The following FGF13 variants were observed in gnomAD, a reference collection of about 807,000 sequenced individuals.
The protein encoded by FGF13 is fibroblast growth factor homologous factor 2.
In FGF13, 2 loss-of-function variants were observed where a neutral mutation model predicts 19.5. The observed-to-expected ratio is 0.10, with a 90% CI of 0.04 to 0.32. The LOEUF is 0.32. FGF13 is among the 10% of genes least tolerant of loss of function. The probability of loss-of-function intolerance (pLI) is 1.00; values close to 1 mark genes in which losing one functional copy is unlikely to be tolerated. For missense variants in FGF13, 113 were observed against 192.7 expected, an observed-to-expected ratio of 0.59 and a Z score of 2.45; for synonymous variants, 72 against 76.9, an observed-to-expected ratio of 0.94 and a Z score of 0.33.
chrX:139,202,732 GAGA>G lies in FGF13; in HGVS notation c.-113+681_-113+683del, dbSNP rs1254633431. On this transcript the variant is annotated intron_variant, in intron 1 of 2. Transcript: ENST00000421460. ...AAAGCTCTGAGAGATGGGGAGAGGC[GAGA>G]AGGAGGAGAGGAGAACAAGGAATAG... Among the ~76,000 whole-genome samples, 17 of 111,644 alleles carry G rather than the reference GAGA, an allele frequency of 1.5e-4. No individual in the cohort carries two copies. In the Admixed American group the frequency reaches 1.6e-3, roughly 11 times the overall value.
intron 1 of FGF13, among the ~76,000 whole-genome samples, chrX:138,926,267 A>G (rs2091673670): frequency 8.9e-6 from 1 of 112,104 alleles, no homozygotes; most frequent in African/African-American, 3.2e-5. Context: ...AAAATATAAT[A>G]ATGCACTACT....
chrX:138,683,550 T>G (rs934070310), intron 3 of FGF13, among the ~76,000 whole-genome samples: 2 of 111,538 alleles, frequency 1.8e-5, no homozygotes, highest in African/African-American at 6.5e-5. Context: ...GTGAGGCAAG[T>G]ATACAGACTA....
chrX:138,843,693 G>GA (rs1401070357), intron 3 of FGF13, among the ~76,000 whole-genome samples: 1 of 111,023 alleles, frequency 9.0e-6, no homozygotes, highest in Non-Finnish European at 1.9e-5. Flanking sequence ...AAGTGCAAGG[G>GA]AAAAAAACCT....
At chrX:138,635,107 G>A (rs1467511828) in intron 4 of FGF13, among the ~76,000 whole-genome samples, 2 of 112,311 alleles carry the variant, frequency 1.8e-5, no homozygotes, top group Non-Finnish European at 3.8e-5. Flanking sequence ...CTTGGATGGA[G>A]CTGGACGCCA....
At chrX:138,973,289 T>C (rs2091926248) in intron 1 of FGF13, among the ~76,000 whole-genome samples, 1 of 112,386 alleles carries the variant, frequency 8.9e-6, no homozygotes, top group African/African-American at 3.2e-5. Flanking sequence ...TTAATTTCTA[T>C]GTATTTGTAC....
At chrX:138,925,616 A>T (rs1273635154) in intron 1 of FGF13, among the ~76,000 whole-genome samples, 1 of 110,623 alleles carries the variant, frequency 9.0e-6, no homozygotes, top group East Asian at 2.9e-4. Flanking sequence ...CTCTCCCTCC[A>T]CTCCATTACC....
intron 3 of FGF13, among the ~76,000 whole-genome samples, chrX:138,799,736 G>A: frequency 9.0e-6 from 1 of 111,228 alleles, no homozygotes; most frequent in South Asian, 3.8e-4. Flanking sequence ...ATGAAAGTGG[G>A]TGTGTATATA....
At chrX:138,720,369 A>G in intron 1 of FGF13, among the ~76,000 whole-genome samples, 1 of 112,238 alleles carries the variant, frequency 8.9e-6, no homozygotes, top group African/African-American at 3.2e-5. Context: ...TAATAACCTT[A>G]TGAACTTATC....
intron 1 of FGF13, among the ~76,000 whole-genome samples, chrX:138,954,186 G>C (rs770767750): frequency 2.7e-5 from 3 of 109,526 alleles, no homozygotes; most frequent in African/African-American, 6.6e-5. Flanking sequence ...TTGAATCCAG[G>C]CTTCATCACT....
rs1394768954 is a variant in FGF13 at position 138,875,747 on chromosome X, G to A, written c.-112-11097C>T. Among the ~76,000 whole-genome samples the A allele has an allele frequency of 2.7e-5, 3 of 111,435 alleles. No individual in the cohort carries two copies. The Admixed American group carries it at 2.9e-4, about 11-fold the overall frequency. On this transcript the variant is annotated intron_variant, in intron 1 of 2. Transcript: ENST00000421460. ...TCATGCCTGGTGACCTTTGAACTGA[G>A]TCATCAGCTTTTCTCTTGCCTTCAA...
chrX:139,018,322 A>T (rs753706735), intron 1 of FGF13, among the ~76,000 whole-genome samples: 2 of 111,674 alleles, frequency 1.8e-5, no homozygotes, highest in Non-Finnish European at 3.8e-5. Flanking sequence ...AAAATGTCTC[A>T]AGTAATTCAG....
rs2124087824 is a variant in FGF13 at position 138,631,828 on chromosome X, C to T, written c.*1022G>A. ...AATGGAAACCTAGCTAAGTCTTAAACACTTTTCCAGTAGCAAGTATAATAT... is the reference window on the plus strand; with the variant it reads ...AATGGAAACCTAGCTAAGTCTTAAATACTTTTCCAGTAGCAAGTATAATAT... On this transcript the variant is annotated 3_prime_UTR_variant, in exon 5 of 5. Transcript: ENST00000315930. 8.9e-6 allele frequency: 1 copy of T among 112,253 alleles called. No individual in the cohort carries two copies. The highest frequency in any genetic ancestry group is 3.7e-4 in the South Asian group (1 of 2,711). The allele number at this position is 112,253 out of a possible 1,213,427, so 9.3% of individuals were successfully genotyped here.
chrX:139,040,835 G>A (rs2092266862), intron 1 of FGF13, among the ~76,000 whole-genome samples: 1 of 110,959 alleles, frequency 9.0e-6, no homozygotes, highest in Non-Finnish European at 1.9e-5. Context: ...ACTGGATAAA[G>A]AAAATGTGGT....
At chrX:138,845,417 A>G (rs1479224664) in intron 3 of FGF13, among the ~76,000 whole-genome samples, 2 of 112,088 alleles carry the variant, frequency 1.8e-5, no homozygotes, top group Admixed American at 1.9e-4. Context: ...TGGCCGTTGA[A>G]CACAGAATAT....
intron 1 of FGF13, among the ~76,000 whole-genome samples, chrX:139,134,543 T>C (rs760670065): frequency 1.8e-5 from 2 of 111,308 alleles, no homozygotes; most frequent in South Asian, 7.7e-4. Flanking sequence ...CATCATGGTT[T>C]CCTCAAAATC....
intron 1 of FGF13, among the ~76,000 whole-genome samples, chrX:138,960,365 C>T (rs1358663416): frequency 8.9e-6 from 1 of 112,040 alleles, no homozygotes; most frequent in Admixed American, 9.5e-5. Context: ...TCTCTTCTGT[C>T]TTGAGAGTTT....
At chrX:138,942,050 C>T (rs191446967) in intron 1 of FGF13, among the ~76,000 whole-genome samples, 2 of 112,282 alleles carry the variant, frequency 1.8e-5, no homozygotes, top group African/African-American at 3.2e-5. Flanking sequence ...CCTTGTCCTA[C>T]AAAATGCTGT....
In FGF13 at chrX:138,763,344, C is replaced by A. The variant is rs962124793; in HGVS notation, c.218-54416G>T. ...TTTCCCCTATTTGGGTGGATACTTACTACCTACAAGTCCAGCTGGGAAATC... is the reference window on the plus strand; with the variant it reads ...TTTCCCCTATTTGGGTGGATACTTAATACCTACAAGTCCAGCTGGGAAATC... On this transcript the variant is annotated intron_variant, in intron 3 of 6. Transcript: ENST00000436198. Among the ~76,000 whole-genome samples the A allele has an allele frequency of 3.5e-4, 39 of 110,865 alleles. No individual in the cohort carries two copies. The Admixed American group carries it at 3.7e-3, about 10-fold the overall frequency.
chrX:139,142,249 G>C (rs1358109737), intron 1 of FGF13, among the ~76,000 whole-genome samples: 1 of 111,785 alleles, frequency 8.9e-6, no homozygotes, highest in Non-Finnish European at 1.9e-5. Flanking sequence ...GATGTTTATT[G>C]TCAATATTTT....
Sources: allele counts gnomAD v4.1 joint callset (sites outside exome capture counted in the v4.1 genomes callset), GRCh38; gene constraint gnomAD v4.1.1; transcripts MANE v1.5; gene names NCBI Gene and HGNC (gene_info 2026-07-23, HGNC 2026-07-21).